NT5C2: variants seen among roughly 807,000 people sequenced by gnomAD.
NT5C2 encodes 5'-nucleotidase, cytosolic II, also known as cytosolic purine 5'-nucleotidase.
Under a neutral mutation model 76.1 loss-of-function variants are expected in NT5C2, and 58 were observed. The ratio of observed to expected loss-of-function variants is 0.76; its 90% CI spans 0.62 to 0.95. NT5C2 has a LOEUF of 0.95. Among genes scored for constraint, NT5C2 ranks in the 40% least tolerant of loss-of-function variants. The probability of loss-of-function intolerance (pLI) is 0.00; values close to 1 mark genes in which losing one functional copy is unlikely to be tolerated. For synonymous variants in NT5C2, 229 were observed against 237.4 expected, an observed-to-expected ratio of 0.96 and a Z score of 0.32; for missense variants, 478 against 690.3, an observed-to-expected ratio of 0.69 and a Z score of 3.45.
intron 4 of NT5C2, among the ~76,000 whole-genome samples, chr10:103,120,682 T>C (rs1013852323): frequency 2.0e-5 from 3 of 152,242 alleles, no homozygotes; most frequent in African/African-American, 7.2e-5. Context: ...CATTCATGTA[T>C]TGCTGGTGGG....
chr10:103,101,166 T>A, intron 7 of NT5C2, 64 bp from the exon 8 acceptor site: 1 of 1,425,872 alleles, frequency 7.0e-7, no homozygotes, highest in South Asian at 1.2e-5. Flanking sequence ...TTTCATTACC[T>A]CCCTTGAATA....
chr10:103,095,535 A>G (rs1326435183), intron 12 of NT5C2, among the ~76,000 whole-genome samples: 1 of 152,246 alleles, frequency 6.6e-6, no homozygotes, highest in Non-Finnish European at 1.5e-5. Context: ...GCAACAACTA[A>G]TACAAAATCT....
Position 103,171,474 on chromosome 10 carries a change from G to A in NT5C2, c.101+3384C>T, listed in dbSNP as rs3740385. ...TTTCCTGTAGCCCAGAAACAGCTAAGTGATTAAGAGTCATTTTAGACTTCC... is the reference window on the plus strand; with the variant it reads ...TTTCCTGTAGCCCAGAAACAGCTAAATGATTAAGAGTCATTTTAGACTTCC... On this transcript the variant is annotated intron_variant, in intron 3 of 18. Coordinates refer to ENST00000404739, the MANE Select transcript of NT5C2 (RefSeq NM_001351169.2). Among the ~76,000 whole-genome samples, 617 of 152,232 alleles carry A rather than the reference G, an allele frequency of 4.1e-3. 19 individuals are homozygous for A. The East Asian group carries it at 0.072, about 18-fold the overall frequency.
intron 16 of NT5C2, 24 bp from the exon 17 acceptor site, chr10:103,091,020 T>C (rs1554920940): frequency 3.7e-6 from 6 of 1,603,874 alleles, no homozygotes; most frequent in Admixed American, 1.7e-5. Flanking sequence ...AAAAACTCAG[T>C]GAAAATCTCT....
chr10:103,184,884 G>C (rs1202615309), intron 1 of NT5C2, among the ~76,000 whole-genome samples: 1 of 152,178 alleles, frequency 6.6e-6, no homozygotes, highest in Non-Finnish European at 1.5e-5. Flanking sequence ...TGCAGTACCT[G>C]TTGCCTTGAC....
At chr10:103,159,757 G>C (rs1328704472) in intron 3 of NT5C2, among the ~76,000 whole-genome samples, 3 of 151,708 alleles carry the variant, frequency 2.0e-5, no homozygotes, top group African/African-American at 7.3e-5. Flanking sequence ...AAGAATTAAA[G>C]AAAATCTAAA....
intron 4 of NT5C2, among the ~76,000 whole-genome samples, chr10:103,118,623 G>A (rs1444231238): frequency 6.6e-6 from 1 of 151,970 alleles, no homozygotes; most frequent in East Asian, 1.9e-4. Context: ...CAAAGTGCTG[G>A]CATTAATTAC....
rs184972339 is a variant in NT5C2 at position 103,148,878 on chromosome 10, G to C, written c.102-9399C>G. Among the ~76,000 whole-genome samples, 197 of 152,174 alleles carry C rather than the reference G, an allele frequency of 1.3e-3. 1 individual carries two copies. Among genetic ancestry groups the C allele is most frequent in the African/African-American group, 4.5e-3 (188 of 41,528 alleles). ...CCATATTATATACCAGTAAGAAAAG[G>C]GGGGAAATTCCAAGTCACAGCCTAG... is the stretch of plus-strand genomic sequence containing the variant. On this transcript the variant is annotated intron_variant, in intron 3 of 18. Coordinates refer to ENST00000404739, the MANE Select transcript of NT5C2 (RefSeq NM_001351169.2).
At chr10:103,098,670 G>A (rs890260010) in intron 10 of NT5C2, 8 of 397,606 alleles carry the variant, frequency 2.0e-5, no homozygotes, top group Non-Finnish European at 3.6e-5. Context: ...GAAGCTAAGC[G>A]AACAAATGCA....
intron 4 of NT5C2, among the ~76,000 whole-genome samples, chr10:103,119,182 C>G (rs1285735678): frequency 6.6e-6 from 1 of 152,040 alleles, no homozygotes; most frequent in African/African-American, 2.4e-5. Flanking sequence ...CCAGCCTGAC[C>G]AACATGGAGA....
intron 12 of NT5C2, 51 bp downstream of exon 12, chr10:103,095,887 TA>T: frequency 6.7e-7 from 1 of 1,482,882 alleles, no homozygotes; most frequent in South Asian, 1.1e-5. Flanking sequence ...CCAGAATGAT[TA>T]AATGCATTCA....
At chr10:103,129,309 GC>G (rs1221576355) in intron 4 of NT5C2, among the ~76,000 whole-genome samples, 6 of 108,420 alleles carry the variant, frequency 5.5e-5, no homozygotes, top group African/African-American at 1.7e-4. Context: ...GGGGGGGTCA[GC>G]CCCCCGCCCG....
chr10:103,183,175 A>C (rs1163872441), intron 1 of NT5C2, among the ~76,000 whole-genome samples: 1 of 150,738 alleles, frequency 6.6e-6, no homozygotes, highest in Non-Finnish European at 1.5e-5. Context: ...CTGTGAAATA[A>C]GCTATAGCTT....
At chr10:103,179,399 C>G (rs1010496283) in intron 2 of NT5C2, among the ~76,000 whole-genome samples, 6 of 152,120 alleles carry the variant, frequency 3.9e-5, no homozygotes, top group Non-Finnish European at 7.3e-5. Context: ...TGGAAGGCCT[C>G]TTTGAGGAGG....
In NT5C2 at chr10:103,158,364, A is replaced by G. The variant is rs140597706; in HGVS notation, c.101+16494T>C. Among the ~76,000 whole-genome samples the G allele has an allele frequency of 1.6e-4, 25 of 152,254 alleles. 1 individual carries two copies. In the East Asian group the frequency reaches 4.8e-3, roughly 29 times the overall value. On this transcript the variant is annotated intron_variant, in intron 3 of 18. Transcript: ENST00000404739. ...ATCAACCCAAATCAAACAGAAGGAC[A>G]GAAATAATATATTACAGATTAGAGC...
chr10:103,125,309 A>G, intron 4 of NT5C2: 1 of 553,576 alleles, frequency 1.8e-6, no homozygotes. Flanking sequence ...AAAAAAAAAA[A>G]AAGACAATGA....
At chr10:103,114,741 G>A (rs1227129136) in intron 4 of NT5C2, among the ~76,000 whole-genome samples, 2 of 152,052 alleles carry the variant, frequency 1.3e-5, no homozygotes, top group Non-Finnish European at 2.9e-5. Flanking sequence ...AAGAAAAAAC[G>A]GAGGAAGTGG....
chr10:103,117,572 A>G (rs1397987986), intron 4 of NT5C2, among the ~76,000 whole-genome samples: 4 of 152,208 alleles, frequency 2.6e-5, no homozygotes, highest in African/African-American at 4.8e-5. Context: ...ACTTGAGCCC[A>G]GTAGTTCAAG....
intron 4 of NT5C2, among the ~76,000 whole-genome samples, chr10:103,129,249 TG>T (rs1269352427): frequency 7.2e-5 from 6 of 83,562 alleles, no homozygotes; most frequent in African/African-American, 1.4e-4. Context: ...GGGAGGGAGA[TG>T]GGGGGGTCAG....
Sources: gnomAD v4.1 joint callset for allele counts (sites outside exome capture counted in the v4.1 genomes callset) on GRCh38, gnomAD v4.1.1 for gene constraint, MANE v1.5 for transcripts, NCBI Gene and HGNC (gene_info 2026-07-23, HGNC 2026-07-21) for gene names.